ADH1B: variants seen among roughly 807,000 people sequenced by gnomAD.
ADH1B encodes the protein all-trans-retinol dehydrogenase [NAD(+)] ADH1B.
A neutral mutation model predicts 34.6 loss-of-function variants in ADH1B; 29 were observed. The observed-to-expected ratio is 0.84, with a 90% CI of 0.62 to 1.14. The LOEUF (loss-of-function observed/expected upper bound fraction) is 1.14. Among genes scored for constraint, ADH1B ranks in the 50% most tolerant of loss-of-function variants. ADH1B has a pLI of 0.00. For synonymous variants in ADH1B, 170 were observed against 175.5 expected, an observed-to-expected ratio of 0.97 and a Z score of 0.25; for missense variants, 424 against 468.4, an observed-to-expected ratio of 0.91 and a Z score of 0.87.
rs1038661594 is a variant in ADH1B at position 99,306,556 on chromosome 4, A to G, written c.*1284T>C. 6.6e-6 allele frequency: 1 copy of G among 152,244 alleles called. No homozygotes were observed. The highest frequency in any genetic ancestry group is 1.5e-5 in the Non-Finnish European group (1 of 68,046). 9.4% of individuals were successfully genotyped at this position (152,244 alleles called of 1,614,324 possible). ...AAGGTCTTTCATAATATGAAATAGA[A>G]TGTAGATATTGCAACAATAGCATTT... On this transcript the variant is annotated 3_prime_UTR_variant, in exon 9 of 9. Coordinates refer to ENST00000305046, the MANE Select transcript of ADH1B (RefSeq NM_000668.6).
rs923028411 is a variant in ADH1B, at chr4:99,306,438, A to AT, written c.*1401dup. 5 of 152,306 alleles carry AT rather than the reference A, an allele frequency of 3.3e-5. No homozygotes were observed. The highest frequency in any genetic ancestry group is 2.1e-4 in the South Asian group (1 of 4,830). 9.4% of individuals were successfully genotyped at this position (152,306 alleles called of 1,614,324 possible). A position where few individuals can be genotyped will look rare whatever the true frequency, so the allele number is the denominator to read the frequency against. On this transcript the variant is annotated 3_prime_UTR_variant, in exon 9 of 9. Coordinates refer to ENST00000305046, the MANE Select transcript of ADH1B (RefSeq NM_000668.6). ...TAAGCTGTAATGGATTGGTTGAGTA[A>AT]TTTTTTCAAAACAAAGGATGAACAA...
Position 99,311,639 on chromosome 4 carries a change from A to G in ADH1B, c.846T>C (p.Cys282=), listed in dbSNP as rs1238736398. Residue 282 remains cysteine, a synonymous_variant, in exon 7 of 9, where the codon TGT becomes TGC. Coordinates refer to ENST00000305046, the MANE Select transcript of ADH1B (RefSeq NM_000668.6). ...RLDTMMASLL[C]CHEACGTSVI... ...CGCTTGTGCCACATGCCTCATGACA[A>G]CATAACAGGGAAGCCATCTGGAATA... The G allele has an allele frequency of 1.9e-6, 3 of 1,613,808 alleles. No individual in the cohort carries two copies. The highest frequency in any genetic ancestry group is 2.5e-6 in the Non-Finnish European group (3 of 1,179,840).
chr4:99,305,735 G>A lies in ADH1B; in HGVS notation c.*2105C>T, dbSNP rs1733597487. On this transcript the variant is annotated 3_prime_UTR_variant, in exon 9 of 9. Transcript: ENST00000305046. Reference sequence around the variant, plus strand: ...GACTTGCCACTCTATGACAACACTGGCAGAGCCCACCTAATGGCTCCCACT... The same window carrying A: ...GACTTGCCACTCTATGACAACACTGACAGAGCCCACCTAATGGCTCCCACT... 6.6e-6 allele frequency: 1 copy of A among 151,492 alleles called. No individual in the cohort carries two copies. The highest frequency in any genetic ancestry group is 1.5e-5 in the Non-Finnish European group (1 of 67,840). The allele number at this position is 151,492 out of a possible 1,614,324, so 9.4% of individuals were successfully genotyped here.
chr4:99,316,027 G>A lies in ADH1B; in HGVS notation c.438C>T (p.Thr146=). ...CATCCACCACCGTGTACTGGGAGAAGGTGCTGGTGCCAAGGAAGTGGTGAA... is the reference window on the plus strand; with the variant it reads ...CATCCACCACCGTGTACTGGGAGAAAGTGCTGGTGCCAAGGAAGTGGTGAA... The part of the protein sequence containing the change: ...KPIHHFLGTS[T]FSQYTVVDEN... Residue 146 remains threonine (T), a synonymous_variant, in exon 5 of 9, where the codon ACC becomes ACT. Coordinates refer to ENST00000305046, the MANE Select transcript of ADH1B (RefSeq NM_000668.6). 5 of 1,614,230 alleles carry A rather than the reference G, an allele frequency of 3.1e-6. No individual in the cohort carries two copies. Among genetic ancestry groups the A allele is most frequent in the Non-Finnish European group, 4.2e-6 (5 of 1,180,042 alleles).
chr4:99,314,223 TC>T, intron 5 of ADH1B, 142 bp from the exon 6 acceptor site: 2 of 1,353,104 alleles, frequency 1.5e-6, no homozygotes, highest in Non-Finnish European at 1.0e-6. Flanking sequence ...TCTTTTGGCT[TC>T]AGTTGCTTTA....
chr4:99,314,348 T>G (rs754340042), intron 5 of ADH1B: 328 of 513,782 alleles, frequency 6.4e-4, no homozygotes, highest in Non-Finnish European at 9.6e-4. Context: ...CCATGTCAAT[T>G]AAATGAGGAA....
chr4:99,309,949 G>A (rs1250840756), intron 8 of ADH1B, among the ~76,000 whole-genome samples: 1 of 152,094 alleles, frequency 6.6e-6, no homozygotes, highest in Non-Finnish European at 1.5e-5. Flanking sequence ...ATGATTTTGT[G>A]AGTGCCAAAG....
In ADH1B at chr4:99,305,006, A is replaced by G. The variant is rs1304677172; in HGVS notation, c.*2834T>C. On this transcript the variant is annotated 3_prime_UTR_variant, in exon 9 of 9. Coordinates refer to ENST00000305046, the MANE Select transcript of ADH1B (RefSeq NM_000668.6). ...TTTTGCTTTATTTTTTTTTTTGATC[A>G]CACCAAGGCTCAGTGCCATTTAATA... The G allele has an allele frequency of 6.6e-6, 1 of 151,740 alleles. No homozygotes were observed. The highest frequency in any genetic ancestry group is 1.5e-5 in the Non-Finnish European group (1 of 67,916). 9.4% of individuals were successfully genotyped at this position (151,740 alleles called of 1,614,324 possible).
At chr4:99,311,956 A>T (rs1279252857) in intron 6 of ADH1B, among the ~76,000 whole-genome samples, 1 of 152,222 alleles carries the variant, frequency 6.6e-6, no homozygotes, top group Non-Finnish European at 1.5e-5. Flanking sequence ...AACAAGATAA[A>T]CAATTATATC....
At position 99,305,177 on chromosome 4, in the gene ADH1B, T is replaced by C. The variant is rs1733569685; in HGVS notation, c.*2663A>G. 1 of 151,950 alleles carries C rather than the reference T, an allele frequency of 6.6e-6. No individual in the cohort carries two copies. The highest frequency in any genetic ancestry group is 1.5e-5 in the Non-Finnish European group (1 of 67,992). The allele number at this position is 151,950 out of a possible 1,614,324, so 9.4% of individuals were successfully genotyped here. A position where few individuals can be genotyped will look rare whatever the true frequency, so the allele number is the denominator to read the frequency against. On this transcript the variant is annotated 3_prime_UTR_variant, in exon 9 of 9. Coordinates refer to ENST00000305046, the MANE Select transcript of ADH1B (RefSeq NM_000668.6). ...CAATCATATATGACCCAAATCAATA[T>C]GACCAAAAAAATGAAAACATTTTTT... is the stretch of plus-strand genomic sequence containing the variant.
rs1185084164 is a variant in ADH1B at position 99,321,384 on chromosome 4, T to C, written c.-53A>G. On this transcript the variant is annotated 5_prime_UTR_variant, in exon 1 of 9. Coordinates refer to ENST00000305046, the MANE Select transcript of ADH1B (RefSeq NM_000668.6). Reference sequence around the variant, plus strand: ...CAGACTGTGAGTCTTTGTGGATTTCTTCTCTGCTTGAGTGCATAAAGCAGA... The same window carrying C: ...CAGACTGTGAGTCTTTGTGGATTTCCTCTCTGCTTGAGTGCATAAAGCAGA... 17 of 1,591,980 alleles carry C rather than the reference T, an allele frequency of 1.1e-5. No individual in the cohort carries two copies. Among genetic ancestry groups the C allele is most frequent in the Non-Finnish European group, 1.4e-5 (16 of 1,161,724 alleles).
chr4:99,309,964 A>G (rs1236003546), intron 8 of ADH1B, among the ~76,000 whole-genome samples: 1 of 152,184 alleles, frequency 6.6e-6, no homozygotes, highest in Non-Finnish European at 1.5e-5. Context: ...CCAAAGAAAC[A>G]CTATTTAAAG....
intron 8 of ADH1B, among the ~76,000 whole-genome samples, chr4:99,309,645 A>G (rs1417727307): frequency 6.6e-6 from 1 of 152,142 alleles, no homozygotes; most frequent in Non-Finnish European, 1.5e-5. Context: ...CCATATGTAC[A>G]TGCACTCTTG....
At position 99,318,890 on chromosome 4, in the gene ADH1B, G is replaced by A; in HGVS notation, c.19-4C>T. ...CAGCTGCTTTGCATTTGATTACCTA[G>A]AAAATCAAACAGAGAGATGGTGACA... On this transcript the variant is annotated splice_polypyrimidine_tract_variant and splice_region_variant and intron_variant, in intron 1 of 8. Coordinates refer to ENST00000305046, the MANE Select transcript of ADH1B (RefSeq NM_000668.6). The A allele has an allele frequency of 6.2e-7, 1 of 1,612,340 alleles. No individual in the cohort carries two copies. Among genetic ancestry groups the A allele is most frequent in the Non-Finnish European group, 8.5e-7 (1 of 1,178,502 alleles).
At chr4:99,319,277 A>G (rs191923547) in intron 1 of ADH1B, 160 of 294,914 alleles carry the variant, frequency 5.4e-4, no homozygotes, top group Admixed American at 8.4e-4. Context: ...GTGTCTGTCT[A>G]CATAAAATAC....
At chr4:99,316,352 T>C in intron 3 of ADH1B, 50 bp from the exon 4 acceptor site, 7 of 1,550,338 alleles carry the variant, frequency 4.5e-6, no homozygotes, top group Non-Finnish European at 6.2e-6. Flanking sequence ...CAGTAATTAA[T>C]AGAGCAAAGA....
At chr4:99,319,993 T>C (rs1733983996) in intron 1 of ADH1B, 1 of 152,210 alleles carries the variant, frequency 6.6e-6, no homozygotes, top group Non-Finnish European at 1.5e-5. Flanking sequence ...AGGCACATTG[T>C]GACCTGTGCT....
intron 6 of ADH1B, chr4:99,313,459 T>A: frequency 4.5e-6 from 1 of 221,976 alleles, no homozygotes. Context: ...ACCATTTTTG[T>A]TAAGAATGTA....
intron 8 of ADH1B, chr4:99,310,362 AT>A: frequency 2.2e-6 from 1 of 454,332 alleles, no homozygotes; most frequent in South Asian, 1.6e-5. Context: ...TGTCCTGAAA[AT>A]TATTTAAATA....
Sources: gnomAD v4.1 joint callset for allele counts (sites outside exome capture counted in the v4.1 genomes callset) on GRCh38, gnomAD v4.1.1 for gene constraint, MANE v1.5 for transcripts, NCBI Gene and HGNC (gene_info 2026-07-23, HGNC 2026-07-21) for gene names.